Variants in NBAS observed in about 807,000 individuals in gnomAD.
The protein encoded by NBAS is NAG/BC035112 fusion.
NBAS carries 219 observed loss-of-function variants against 302.5 expected under a neutral mutation model. That is an observed-to-expected ratio of 0.72 (90% confidence interval 0.65 to 0.81). The LOEUF is 0.81. NBAS is among the 30% of genes least tolerant of loss of function. NBAS has a pLI of 0.00. For missense variants in NBAS, 2,932 were observed against 2,841.6 expected, an observed-to-expected ratio of 1.03 and a Z score of -0.72; for synonymous variants, 1,118 against 1,021.6, an observed-to-expected ratio of 1.09 and a Z score of -1.80.
chr2:15,265,234 T>G (rs1409103019), intron 44 of NBAS, among the ~76,000 whole-genome samples: 2 of 152,300 alleles, frequency 1.3e-5, no homozygotes, highest in Admixed American at 1.3e-4. Context: ...CAGAAAAGTG[T>G]CATGCAATCT....
In NBAS at chr2:15,415,665, G is replaced by GA. The variant is rs1195385014; in HGVS notation, c.2817dup (p.His940SerfsTer4). On this transcript the variant is annotated frameshift_variant, in exon 25 of 52. Coordinates refer to ENST00000281513, the MANE Select transcript of NBAS (RefSeq NM_015909.4). LOFTEE classifies it high-confidence loss of function. ...CCAGGCGACTGTTTCTCACAACGAT[G>GA]AAGAAAGGGAACCATCCACTGGTAG... is the stretch of plus-strand genomic sequence containing the variant. 1 of 1,614,148 alleles carries GA rather than the reference G, an allele frequency of 6.2e-7. No individual in the cohort carries two copies. Among genetic ancestry groups the GA allele is most frequent in the East Asian group, 2.2e-5 (1 of 44,870 alleles).
chr2:15,181,542 A>T (rs958458080), intron 50 of NBAS, among the ~76,000 whole-genome samples: 26 of 152,196 alleles, frequency 1.7e-4, no homozygotes, highest in Admixed American at 1.4e-3. Flanking sequence ...AGAAAGGTCG[A>T]AGCAGCAGAG....
At chr2:14,807,440 C>CGTGT in the NBAS span, among the ~76,000 whole-genome samples, 46 of 128,630 alleles carry the variant, frequency 3.6e-4, no homozygotes, top group African/African-American at 1.6e-3. Flanking sequence ...TTTCAAATCC[C>CGTGT]GTGTGTGTGT....
chr2:15,068,907 G>A, the NBAS span, among the ~76,000 whole-genome samples: 1 of 152,312 alleles, frequency 6.6e-6, no homozygotes, highest in South Asian at 2.1e-4. Flanking sequence ...AAGGTCAAGA[G>A]CTGCATCCAG....
chr2:15,462,783 C>T (rs1374107015), intron 19 of NBAS, among the ~76,000 whole-genome samples: 3 of 151,730 alleles, frequency 2.0e-5, no homozygotes, highest in African/African-American at 7.3e-5. Flanking sequence ...TGGCATAGGG[C>T]TATTAATACA....
chr2:15,554,269 C>G (rs1573009929), intron 3 of NBAS, 131 bp from the exon 4 acceptor site: 2 of 816,130 alleles, frequency 2.5e-6, no homozygotes, highest in South Asian at 1.5e-5. Flanking sequence ...TGAATATTAG[C>G]AAACCCAAAA....
At chr2:15,532,435 G>A (rs1192923925) in intron 9 of NBAS, among the ~76,000 whole-genome samples, 1 of 146,928 alleles carries the variant, frequency 6.8e-6, no homozygotes, top group Non-Finnish European at 1.5e-5. Context: ...CTTGCAGTGA[G>A]CCGAGATTGC....
At chr2:15,066,884 T>G in the NBAS span, among the ~76,000 whole-genome samples, 1 of 152,066 alleles carries the variant, frequency 6.6e-6, no homozygotes, top group Admixed American at 6.6e-5. Flanking sequence ...AATCAGAATG[T>G]TGAAGAAATA....
the NBAS span, among the ~76,000 whole-genome samples, chr2:14,829,670 T>C: frequency 6.6e-3 from 1,008 of 152,258 alleles, 6 homozygotes; most frequent in Non-Finnish European, 9.8e-3. Context: ...ATGCCACTCA[T>C]AGAAACTGGT....
At chr2:15,098,169 TATATATTATATTGTATATA>T in the NBAS span, among the ~76,000 whole-genome samples, 58 of 8,668 alleles carry the variant, frequency 6.7e-3, 10 homozygotes, top group Non-Finnish European at 7.6e-3. Context: ...TATTATATTG[TATATATTATATTGTATATA>T]ATATATTATA....
chr2:15,434,476 T>G (rs1432673995), intron 21 of NBAS, among the ~76,000 whole-genome samples: 4 of 152,228 alleles, frequency 2.6e-5, no homozygotes, highest in African/African-American at 7.2e-5. Context: ...ATAATTTCAA[T>G]GGCCTTGTAC....
the NBAS span, among the ~76,000 whole-genome samples, chr2:14,868,091 CAATTATT>C: frequency 6.6e-6 from 1 of 152,154 alleles, no homozygotes; most frequent in Non-Finnish European, 1.5e-5. Flanking sequence ...CAGGGTATCT[CAATTATT>C]ATCTTTATTT....
chr2:15,318,926 C>T (rs1671650701), intron 38 of NBAS, among the ~76,000 whole-genome samples: 1 of 152,160 alleles, frequency 6.6e-6, no homozygotes, highest in African/African-American at 2.4e-5. Flanking sequence ...AACTCTCCAC[C>T]CCAAATCAAC....
At chr2:14,892,907 C>T in the NBAS span, among the ~76,000 whole-genome samples, 1 of 151,990 alleles carries the variant, frequency 6.6e-6, no homozygotes, top group African/African-American at 2.4e-5. Flanking sequence ...TTTGTCCTTC[C>T]TTACAGGATT....
intron 31 of NBAS, among the ~76,000 whole-genome samples, chr2:15,372,100 G>A (rs1227621682): frequency 6.6e-6 from 1 of 152,146 alleles, no homozygotes; most frequent in African/African-American, 2.4e-5. Flanking sequence ...ATAAGTGGCA[G>A]AAGTAGCTCC....
intron 44 of NBAS, among the ~76,000 whole-genome samples, chr2:15,270,434 A>G (rs1282903235): frequency 1.3e-5 from 2 of 152,176 alleles, no homozygotes; most frequent in Non-Finnish European, 2.9e-5. Context: ...AAGTGCTGGG[A>G]TTACAGGCAT....
the NBAS span, among the ~76,000 whole-genome samples, chr2:14,789,311 T>C: frequency 6.6e-6 from 1 of 152,190 alleles, no homozygotes. Context: ...TCACCCTGCT[T>C]CGGCTGGCAC....
chr2:15,186,747 CAGGCAGCATCT>C lies in NBAS; in HGVS notation c.6695_6705del (p.Gln2232ArgfsTer13), dbSNP rs1558419957. 2 of 1,613,882 alleles carry C rather than the reference CAGGCAGCATCT, an allele frequency of 1.2e-6. No individual in the cohort carries two copies. Among genetic ancestry groups the C allele is most frequent in the Admixed American group, 1.7e-5 (1 of 60,000 alleles). ...CACTCAAAATATCCACTCACCTCTG[CAGGCAGCATCT>C]GCTTGGTGTTATACAAAGAGCGACA... On this transcript the variant is annotated frameshift_variant, in exon 50 of 52. Transcript: ENST00000281513. LOFTEE classifies it high-confidence loss of function.
chr2:15,314,880 C>T (rs546679820), intron 38 of NBAS, among the ~76,000 whole-genome samples: 1 of 152,276 alleles, frequency 6.6e-6, no homozygotes, highest in South Asian at 2.1e-4. Flanking sequence ...ATGGATACAA[C>T]ATAGATGAAT....
Sources: allele counts gnomAD v4.1 joint callset (sites outside exome capture counted in the v4.1 genomes callset), GRCh38; gene constraint gnomAD v4.1.1; transcripts MANE v1.5; gene names NCBI Gene and HGNC (gene_info 2026-07-23, HGNC 2026-07-21).